Variants in MDGA2 observed in about 807,000 individuals in gnomAD.
MDGA2 encodes the protein MAM domain containing glycosylphosphatidylinositol anchor 2, also known as MAM domain-containing glycosylphosphatidylinositol anchor protein 2.
Under a neutral mutation model 117.8 loss-of-function variants are expected in MDGA2, and 40 were observed. The ratio of observed to expected loss-of-function variants is 0.34; its 90% CI spans 0.26 to 0.44. MDGA2 has a LOEUF of 0.44. MDGA2 is among the 20% of genes least tolerant of loss of function. The probability of loss-of-function intolerance (pLI) is 1.00; values close to 1 mark genes in which losing one functional copy is unlikely to be tolerated. For synonymous variants in MDGA2, 452 were observed against 439.0 expected (o/e 1.03, Z -0.37); for missense variants, 1,123 against 1,250.6 (o/e 0.90, Z 1.54).
At chr14:46,962,398 C>A (rs763953727) in intron 8 of MDGA2, among the ~76,000 whole-genome samples, 28 of 152,062 alleles carry the variant, frequency 1.8e-4, no homozygotes, top group Non-Finnish European at 3.5e-4. Context: ...CCTTTGAGAT[C>A]CAACTTCTTG....
intron 8 of MDGA2, among the ~76,000 whole-genome samples, chr14:47,009,475 T>C (rs764999897): frequency 5.3e-5 from 8 of 152,012 alleles, no homozygotes; most frequent in South Asian, 2.1e-4. Flanking sequence ...GCCCTCTGGT[T>C]CCCAATTATT....
chr14:47,164,914 T>C (rs1420849007), intron 3 of MDGA2, among the ~76,000 whole-genome samples: 2 of 152,180 alleles, frequency 1.3e-5, no homozygotes, highest in Admixed American at 6.5e-5. Context: ...TGGAATACTA[T>C]GCAGCCATAA....
chr14:47,635,197 A>G (rs1052780154), intron 1 of MDGA2, among the ~76,000 whole-genome samples: 1 of 152,120 alleles, frequency 6.6e-6, no homozygotes, highest in African/African-American at 2.4e-5. Context: ...AAAGCATGGC[A>G]AGAAATAAAT....
intron 1 of MDGA2, among the ~76,000 whole-genome samples, chr14:47,528,289 C>T (rs1335876360): frequency 1.3e-5 from 2 of 152,178 alleles, no homozygotes; most frequent in South Asian, 2.1e-4. Flanking sequence ...CAGTGCTTAT[C>T]GTAGGCAGAG....
At chr14:46,974,818 T>G (rs1175337123) in intron 8 of MDGA2, among the ~76,000 whole-genome samples, 1 of 152,142 alleles carries the variant, frequency 6.6e-6, no homozygotes, top group Non-Finnish European at 1.5e-5. Flanking sequence ...AGTAATTTTT[T>G]GGGTATGACA....
At chr14:47,013,377 T>C (rs2138544533) in intron 8 of MDGA2, among the ~76,000 whole-genome samples, 1 of 152,226 alleles carries the variant, frequency 6.6e-6, no homozygotes, top group South Asian at 2.1e-4. Context: ...AGTTCTTTCG[T>C]GAGATTGCAG....
intron 6 of MDGA2, among the ~76,000 whole-genome samples, chr14:47,077,453 G>C (rs1437952004): frequency 1.3e-5 from 2 of 151,776 alleles, no homozygotes; most frequent in African/African-American, 4.8e-5. Context: ...TTCTTTTGTT[G>C]TTTTCCTGTT....
At chr14:47,662,100 C>A (rs1340047593) in intron 1 of MDGA2, among the ~76,000 whole-genome samples, 1 of 152,082 alleles carries the variant, frequency 6.6e-6, no homozygotes, top group East Asian at 1.9e-4. Flanking sequence ...GAATGTATCA[C>A]AAATATTCAA....
chr14:47,051,183 G>T (rs545194442), intron 7 of MDGA2, among the ~76,000 whole-genome samples: 1 of 152,056 alleles, frequency 6.6e-6, no homozygotes, highest in African/African-American at 2.4e-5. Context: ...TCAGGTGGAA[G>T]TGAACACAGT....
Position 47,202,876 on chromosome 14 carries a change from T to G in MDGA2, c.595+15145A>C, listed in dbSNP as rs149100815. ...GAATACATACTTGTGGGACAAATGT[T>G]AATGCTATAGAACTTATATAACACA... On this transcript the variant is annotated intron_variant, in intron 3 of 16. Transcript: ENST00000399232. Among the ~76,000 whole-genome samples, 16 of 149,522 alleles carry G rather than the reference T, an allele frequency of 1.1e-4. No homozygotes were observed. In the South Asian group the frequency reaches 2.7e-3, roughly 25 times the overall value.
intron 2 of MDGA2, among the ~76,000 whole-genome samples, chr14:47,278,129 G>T (rs893931013): frequency 6.6e-6 from 1 of 151,844 alleles, no homozygotes; most frequent in Non-Finnish European, 1.5e-5. Flanking sequence ...GAATGATGAA[G>T]AGTCAAGATA....
At chr14:47,632,597 C>A (rs1000801437) in intron 1 of MDGA2, among the ~76,000 whole-genome samples, 2 of 152,150 alleles carry the variant, frequency 1.3e-5, no homozygotes, top group Non-Finnish European at 2.9e-5. Context: ...CTTAAAAGAT[C>A]CTTCATGAAC....
intron 2 of MDGA2, among the ~76,000 whole-genome samples, chr14:47,225,726 T>C (rs1375629823): frequency 6.6e-6 from 1 of 151,914 alleles, no homozygotes; most frequent in Non-Finnish European, 1.5e-5. Context: ...GACGAGTTAA[T>C]GGGTGCAGCG....
At chr14:46,885,736 C>T (rs895030361) in intron 10 of MDGA2, among the ~76,000 whole-genome samples, 1 of 147,918 alleles carries the variant, frequency 6.8e-6, no homozygotes, top group Non-Finnish European at 1.5e-5. Context: ...GAGAAAATGA[C>T]TCATGACTCA....
intron 1 of MDGA2, among the ~76,000 whole-genome samples, chr14:47,480,804 T>C (rs1893938361): frequency 6.6e-6 from 1 of 151,950 alleles, no homozygotes; most frequent in Admixed American, 6.6e-5. Context: ...AAGAATGAGA[T>C]ATTGTAAATT....
intron 8 of MDGA2, among the ~76,000 whole-genome samples, chr14:46,979,792 C>A (rs1182237718): frequency 6.6e-6 from 1 of 152,140 alleles, no homozygotes; most frequent in African/African-American, 2.4e-5. Context: ...AAGAAGCCAT[C>A]ATGATAACTT....
chr14:47,615,286 G>GTGATTT (rs1896928628), intron 1 of MDGA2, among the ~76,000 whole-genome samples: 1 of 152,016 alleles, frequency 6.6e-6, no homozygotes, highest in Non-Finnish European at 1.5e-5. Flanking sequence ...CACCAAAATA[G>GTGATTT]TGATTTTAAC....
chr14:47,516,638 T>G (rs1268600498), intron 1 of MDGA2, among the ~76,000 whole-genome samples: 1 of 152,184 alleles, frequency 6.6e-6, no homozygotes, highest in African/African-American at 2.4e-5. Flanking sequence ...AATCTTCCTC[T>G]GAACTTCAGC....
intron 1 of MDGA2, among the ~76,000 whole-genome samples, chr14:47,344,278 T>C (rs919899799): frequency 6.6e-6 from 1 of 152,190 alleles, no homozygotes. Flanking sequence ...TCTCATCCTG[T>C]TGTTAAAGAC....
Sources: allele counts gnomAD v4.1 joint callset (sites outside exome capture counted in the v4.1 genomes callset), GRCh38; gene constraint gnomAD v4.1.1; transcripts MANE v1.5; gene names NCBI Gene and HGNC (gene_info 2026-07-23, HGNC 2026-07-21).